The following SART3 variants were observed in gnomAD, a reference collection of about 807,000 sequenced individuals.
The protein encoded by SART3 is spliceosome associated factor 3, U4/U6 recycling protein.
A neutral mutation model predicts 122.3 loss-of-function variants in SART3; 44 were observed. The observed-to-expected ratio is 0.36, with a 90% confidence interval of 0.28 to 0.46. SART3 has a LOEUF of 0.46. Ranked by LOEUF, SART3 falls within the 20% of genes least tolerant of loss-of-function variation. SART3 has a pLI of 1.00. For missense variants in SART3, 1,101 were observed against 1,229.0 expected, an observed-to-expected ratio of 0.90 and a Z score of 1.56; for synonymous variants, 442 against 454.0, an observed-to-expected ratio of 0.97 and a Z score of 0.34.
At chr12:108,560,774 C>T (rs2030491591) in intron 1 of SART3, 69 bp downstream of exon 1, 4 of 1,404,276 alleles carry the variant, frequency 2.8e-6, no homozygotes, top group South Asian at 1.4e-5. Flanking sequence ...ACTAGGGAGG[C>T]GGGCCAGGAC....
Position 108,537,505 on chromosome 12 carries a change from C to G in SART3, c.1292G>C (p.Arg431Thr). 1 of 1,613,356 alleles carries G rather than the reference C, an allele frequency of 6.2e-7. No individual in the cohort carries two copies. The highest frequency in any genetic ancestry group is 8.5e-7 in the Non-Finnish European group (1 of 1,179,316). Residue 431 changes from arginine (R) to threonine (T), a missense_variant, in exon 9 of 19, where the codon AGG becomes ACG. Coordinates refer to ENST00000546815, the MANE Select transcript of SART3 (RefSeq NM_014706.4). The stretch of plus-strand genomic sequence containing the variant: ...TTAAATACCTTGTTTGAAATCAACC[C>G]TTCTCCTCAGGTAATCAAGGTATGC... ...WQAYLDYLRR[R>T]VDFKQDSSKE...
At chr12:108,524,064 C>A in intron 18 of SART3, 1 of 582,884 alleles carries the variant, frequency 1.7e-6, no homozygotes, top group South Asian at 2.1e-5. Context: ...AAAATAATCA[C>A]TGCCTTATTT....
At chr12:108,550,379 G>GT (rs1163670408) in intron 1 of SART3, among the ~76,000 whole-genome samples, 1 of 152,142 alleles carries the variant, frequency 6.6e-6, no homozygotes, top group Non-Finnish European at 1.5e-5. Context: ...AACAAACATT[G>GT]TAAGAACTTC....
At chr12:108,525,290 C>G (rs1159787563) in intron 17 of SART3, among the ~76,000 whole-genome samples, 167 bp downstream of exon 17, 2 of 152,250 alleles carry the variant, frequency 1.3e-5, no homozygotes, top group East Asian at 3.8e-4. Flanking sequence ...GTTAATCTGA[C>G]TCCAAATATA....
At chr12:108,557,572 T>A (rs2030284886) in intron 1 of SART3, among the ~76,000 whole-genome samples, 1 of 152,214 alleles carries the variant, frequency 6.6e-6, no homozygotes, top group Non-Finnish European at 1.5e-5. Context: ...CCAGGCGCTT[T>A]ACGCACATTG....
At chr12:108,525,664 A>C (rs1593231516) in intron 16 of SART3, 55 bp from the exon 17 acceptor site, 19 of 1,568,302 alleles carry the variant, frequency 1.2e-5, no homozygotes, top group Non-Finnish European at 1.5e-5. Flanking sequence ...GACCCAGCTC[A>C]CCTGACTCCT....
Position 108,524,472 on chromosome 12 carries a change from TG to T in SART3, c.2557del (p.Gln853ArgfsTer6). 1 of 1,614,198 alleles carries T rather than the reference TG, an allele frequency of 6.2e-7. No individual in the cohort carries two copies. Among genetic ancestry groups the T allele is most frequent in the Non-Finnish European group, 8.5e-7 (1 of 1,180,032 alleles). ...LAYVEYENES[Q>X]ASQAVMKMDG... ...CATCTTCATCACAGCCTGCGACGCC[TG>T]GGATTCATTTTCATACTCCACGTAG... On this transcript the variant is annotated frameshift_variant, in exon 18 of 19. Coordinates refer to ENST00000546815, the MANE Select transcript of SART3 (RefSeq NM_014706.4). LOFTEE classifies it high-confidence loss of function.
At chr12:108,525,948 C>T (rs570296786) in intron 16 of SART3, 151 bp downstream of exon 16, 41 of 695,834 alleles carry the variant, frequency 5.9e-5, no homozygotes, top group East Asian at 1.3e-4. Flanking sequence ...CTCAGTCAAC[C>T]GGCTCAGGAT....
chr12:108,532,896 G>A (rs980032137), intron 12 of SART3, among the ~76,000 whole-genome samples: 4 of 152,100 alleles, frequency 2.6e-5, no homozygotes, highest in Non-Finnish European at 5.9e-5. Flanking sequence ...TGGGATTACA[G>A]GTGCCCACCA....
At chr12:108,558,925 C>CG (rs899396170) in intron 1 of SART3, among the ~76,000 whole-genome samples, 5 of 145,168 alleles carry the variant, frequency 3.4e-5, no homozygotes, top group South Asian at 2.3e-4. Flanking sequence ...CCCAGCTACT[C>CG]GGGGGGCTGA....
At chr12:108,537,392 G>A in intron 9 of SART3, 96 bp downstream of exon 9, 1 of 884,770 alleles carries the variant, frequency 1.1e-6, no homozygotes, top group Admixed American at 1.8e-5. Flanking sequence ...TACATCATTT[G>A]CCCAATCACA....
intron 9 of SART3, chr12:108,537,277 G>C: frequency 7.3e-6 from 4 of 545,492 alleles, no homozygotes; most frequent in Non-Finnish European, 6.6e-6. Context: ...AGGCTGGCAG[G>C]AGCCAGTATA....
chr12:108,541,998 CT>C (rs55746158), intron 6 of SART3, among the ~76,000 whole-genome samples: 27 of 68,106 alleles, frequency 4.0e-4, no homozygotes, highest in African/African-American at 1.3e-3. Context: ...CCAAGCCCGG[CT>C]TTTTTTTTTT....
At chr12:108,528,202 G>A (rs1872480813) in intron 15 of SART3, among the ~76,000 whole-genome samples, 1 of 152,148 alleles carries the variant, frequency 6.6e-6, no homozygotes, top group African/African-American at 2.4e-5. Flanking sequence ...CAGGGCCAAG[G>A]CCAGGTGCAG....
intron 2 of SART3, 115 bp from the exon 3 acceptor site, chr12:108,548,106 T>C: frequency 1.1e-6 from 1 of 879,076 alleles, no homozygotes; most frequent in Non-Finnish European, 1.8e-6. Flanking sequence ...CCTGGCGTTG[T>C]TTCCAGAAAT....
At chr12:108,545,386 A>G in intron 3 of SART3, 63 bp from the exon 4 acceptor site, 5 of 1,536,440 alleles carry the variant, frequency 3.3e-6, no homozygotes, top group Non-Finnish European at 4.5e-6. Context: ...AAACTGATGC[A>G]TAACAAACGA....
chr12:108,553,140 T>C (rs1012363502), intron 1 of SART3, among the ~76,000 whole-genome samples: 1 of 152,088 alleles, frequency 6.6e-6, no homozygotes, highest in Non-Finnish European at 1.5e-5. Context: ...AACAAATAAA[T>C]ACACCTTGAC....
intron 1 of SART3, among the ~76,000 whole-genome samples, chr12:108,559,186 G>A (rs2030364564): frequency 6.6e-6 from 1 of 152,144 alleles, no homozygotes; most frequent in African/African-American, 2.4e-5. Context: ...GCCAGAGAGA[G>A]TATTATAAGG....
intron 12 of SART3, 101 bp from the exon 13 acceptor site, chr12:108,532,435 A>G: frequency 1.1e-6 from 1 of 894,094 alleles, no homozygotes; most frequent in Middle Eastern, 2.1e-4. Context: ...CTCTTCAGTA[A>G]CTCTAGCTTC....
Sources: gnomAD v4.1 joint callset for allele counts (sites outside exome capture counted in the v4.1 genomes callset) on GRCh38, gnomAD v4.1.1 for gene constraint, MANE v1.5 for transcripts, NCBI Gene and HGNC (gene_info 2026-07-23, HGNC 2026-07-21) for gene names.